The following RBMS2 variants were observed in gnomAD, a reference collection of about 807,000 sequenced individuals.
RBMS2 encodes the protein RNA binding motif single stranded interacting protein 2.
In RBMS2, 38 loss-of-function variants were observed where a neutral mutation model predicts 58.4. That is an observed-to-expected ratio of 0.65 (90% CI 0.50 to 0.85). RBMS2 has a LOEUF of 0.85. Ranked by LOEUF, RBMS2 falls within the 40% of genes least tolerant of loss-of-function variation. RBMS2 has a pLI of 0.00. For synonymous variants in RBMS2, 151 were observed against 180.7 expected, an observed-to-expected ratio of 0.84 and a Z score of 1.32; for missense variants, 367 against 503.7, an observed-to-expected ratio of 0.73 and a Z score of 2.60.
In RBMS2 at chr12:56,589,922, T is replaced by A. The variant is rs1168145086; in HGVS notation, c.*789T>A. On this transcript the variant is annotated 3_prime_UTR_variant, in exon 14 of 14. Transcript: ENST00000262031. ...ACTAAGTAGGCCATGGAAGTGGCTG[T>A]TCTTTCCCCCACCCTGCCACACCCT... 1 of 152,404 alleles carries A rather than the reference T, an allele frequency of 6.6e-6. No individual in the cohort carries two copies. The highest frequency in any genetic ancestry group is 6.5e-5 in the Admixed American group (1 of 15,268). 9.4% of individuals were successfully genotyped at this position (152,404 alleles called of 1,614,324 possible).
chr12:56,530,851 C>T lies in RBMS2; in HGVS notation c.66+8762C>T, dbSNP rs565362001. Among the ~76,000 whole-genome samples the T allele has an allele frequency of 7.4e-4, 113 of 152,056 alleles. 1 individual carries two copies. Among genetic ancestry groups the T allele is most frequent in the Non-Finnish European group, 5.4e-4 (37 of 68,018 alleles). On this transcript the variant is annotated intron_variant, in intron 1 of 13. Transcript: ENST00000262031. ...GTTGCTTAATTCCGGAATGGCCTTT[C>T]GTTTCATTTGTTTACTTCACTCATA...
At chr12:56,586,186 G>C in intron 9 of RBMS2, among the ~76,000 whole-genome samples, 1 of 152,138 alleles carries the variant, frequency 6.6e-6, no homozygotes, top group East Asian at 1.9e-4. Flanking sequence ...AGCAAAATTA[G>C]CCGGGCATGG....
At chr12:56,549,807 C>T (rs1877907013) in intron 1 of RBMS2, among the ~76,000 whole-genome samples, 1 of 151,656 alleles carries the variant, frequency 6.6e-6, no homozygotes, top group Admixed American at 6.6e-5. Flanking sequence ...CGGGCAGATC[C>T]ACCTGAGGTC....
At chr12:56,559,498 T>C (rs1879957659) in intron 1 of RBMS2, among the ~76,000 whole-genome samples, 1 of 150,072 alleles carries the variant, frequency 6.7e-6, no homozygotes, top group Non-Finnish European at 1.5e-5. Flanking sequence ...GAAGGACATA[T>C]CTTATTTAAT....
intron 1 of RBMS2, among the ~76,000 whole-genome samples, chr12:56,550,974 C>T (rs1878161477): frequency 6.6e-6 from 1 of 151,436 alleles, no homozygotes; most frequent in African/African-American, 2.4e-5. Context: ...AGAAATCAGC[C>T]AGGTATGGTG....
At chr12:56,534,403 A>G (rs1039013538) in intron 1 of RBMS2, among the ~76,000 whole-genome samples, 2 of 152,172 alleles carry the variant, frequency 1.3e-5, no homozygotes, top group African/African-American at 4.8e-5. Context: ...GCCATCAGGT[A>G]TGCGAATATT....
At chr12:56,581,617 C>T (rs1430642946) in intron 7 of RBMS2, 109 bp downstream of exon 7, 25 of 1,241,532 alleles carry the variant, frequency 2.0e-5, no homozygotes, top group Middle Eastern at 1.9e-4. Context: ...AGCTACAGTA[C>T]GTAATTGAGA....
At chr12:56,549,662 G>A (rs1486282487) in intron 1 of RBMS2, among the ~76,000 whole-genome samples, 1 of 152,122 alleles carries the variant, frequency 6.6e-6, no homozygotes, top group Non-Finnish European at 1.5e-5. Flanking sequence ...GGATAGGACT[G>A]TATTATCACT....
chr12:56,592,350 T>A lies in RBMS2; in HGVS notation c.*3217T>A, dbSNP rs1398639143. On this transcript the variant is annotated 3_prime_UTR_variant, in exon 14 of 14. Coordinates refer to ENST00000262031, the MANE Select transcript of RBMS2 (RefSeq NM_002898.4). ...CCTTTCCTCAGATGGCATAATCCTTTATAGGCTCTGAGCCTGCCTAGCCAT... is the reference window on the plus strand; with the variant it reads ...CCTTTCCTCAGATGGCATAATCCTTAATAGGCTCTGAGCCTGCCTAGCCAT... 5.3e-5 allele frequency: 8 copies of A among 152,298 alleles called. No individual in the cohort carries two copies. The highest frequency in any genetic ancestry group is 3.4e-3 in the Middle Eastern group (1 of 294). The allele number at this position is 152,298 out of a possible 1,614,324, so 9.4% of individuals were successfully genotyped here.
At chr12:56,557,004 G>A (rs1030756414) in intron 1 of RBMS2, among the ~76,000 whole-genome samples, 2 of 151,960 alleles carry the variant, frequency 1.3e-5, no homozygotes. Context: ...AATTCTTTAG[G>A]CTTTTTGCTC....
At chr12:56,588,869 C>G (rs7316304) in intron 12 of RBMS2, 63 bp from the exon 13 acceptor site, 12 of 1,532,684 alleles carry the variant, frequency 7.8e-6, no homozygotes, top group Non-Finnish European at 1.1e-5. Context: ...TTTGGTCAGG[C>G]TGCTGTAGTG....
intron 1 of RBMS2, among the ~76,000 whole-genome samples, chr12:56,533,404 ATTACTT>A (rs1242521501): frequency 2.4e-4 from 14 of 57,556 alleles, no homozygotes; most frequent in Non-Finnish European, 4.7e-4. Context: ...ACCCAGCCCT[ATTACTT>A]TTTTTTTTTT....
chr12:56,572,884 G>A, intron 5 of RBMS2: 2 of 985,166 alleles, frequency 2.0e-6, no homozygotes, highest in Non-Finnish European at 1.2e-6. Flanking sequence ...GATTGATTCA[G>A]ATGAGTAATT....
chr12:56,581,538 C>T, intron 7 of RBMS2, 30 bp downstream of exon 7: 2 of 1,578,594 alleles, frequency 1.3e-6, no homozygotes, highest in Non-Finnish European at 1.7e-6. Context: ...GACAGGAGTA[C>T]TAACGACATT....
At chr12:56,557,965 C>T (rs369410537) in intron 1 of RBMS2, among the ~76,000 whole-genome samples, 266 of 146,456 alleles carry the variant, frequency 1.8e-3, no homozygotes, top group African/African-American at 5.5e-3. Context: ...CTCCAACTCC[C>T]GATCTCAAGT....
At chr12:56,534,930 G>A (rs550490934) in intron 1 of RBMS2, among the ~76,000 whole-genome samples, 37 of 152,184 alleles carry the variant, frequency 2.4e-4, no homozygotes, top group African/African-American at 8.4e-4. Context: ...CGTGAGACAC[G>A]GCGCCCAGCC....
chr12:56,585,182 T>A (rs1432534428), intron 9 of RBMS2, among the ~76,000 whole-genome samples: 1 of 133,462 alleles, frequency 7.5e-6, no homozygotes, highest in Non-Finnish European at 1.6e-5. Flanking sequence ...ATCTGGTCTC[T>A]AAGATTTTAT....
intron 1 of RBMS2, among the ~76,000 whole-genome samples, chr12:56,526,949 C>T (rs138181789): frequency 6.6e-6 from 1 of 152,202 alleles, no homozygotes; most frequent in East Asian, 1.9e-4. Flanking sequence ...GGATAATTTG[C>T]CTTCTCCAAC....
intron 11 of RBMS2, among the ~76,000 whole-genome samples, chr12:56,587,937 C>T (rs764254194): frequency 5.3e-5 from 8 of 152,130 alleles, no homozygotes; most frequent in Non-Finnish European, 1.2e-4. Context: ...ACACACACGT[C>T]CTAGGAATCC....
Sources: allele counts gnomAD v4.1 joint callset (sites outside exome capture counted in the v4.1 genomes callset), GRCh38; gene constraint gnomAD v4.1.1; transcripts MANE v1.5; gene names NCBI Gene and HGNC (gene_info 2026-07-23, HGNC 2026-07-21).